The following CNTN5 variants were observed in gnomAD, a reference collection of about 807,000 sequenced individuals.
CNTN5 encodes contactin 5.
Under a neutral mutation model 129.1 loss-of-function variants are expected in CNTN5, and 77 were observed. The observed-to-expected ratio is 0.60, with a 90% CI of 0.50 to 0.72. CNTN5 has a LOEUF of 0.72. Ranked by LOEUF, CNTN5 falls within the 30% of genes least tolerant of loss-of-function variation. The pLI is 0.00. For synonymous variants in CNTN5, 509 were observed against 465.6 expected, an observed-to-expected ratio of 1.09 and a Z score of -1.20; for missense variants, 1,478 against 1,328.8, an observed-to-expected ratio of 1.11 and a Z score of -1.75.
chr11:99,166,768 T>A (rs1860893693), intron 1 of CNTN5, among the ~76,000 whole-genome samples: 1 of 151,934 alleles, frequency 6.6e-6, no homozygotes, highest in Non-Finnish European at 1.5e-5. Context: ...TCTTTTTTTT[T>A]TTGGTTTTTG....
At chr11:99,763,523 G>C (rs1024025123) in intron 3 of CNTN5, among the ~76,000 whole-genome samples, 8 of 152,018 alleles carry the variant, frequency 5.3e-5, no homozygotes, top group Non-Finnish European at 1.2e-4. Context: ...GAAGTTTAAA[G>C]TATTAAGTAA....
intron 3 of CNTN5, among the ~76,000 whole-genome samples, chr11:99,782,658 C>T (rs904797310): frequency 3.3e-5 from 5 of 151,876 alleles, no homozygotes; most frequent in Non-Finnish European, 5.9e-5. Flanking sequence ...GAACAGAGCC[C>T]TCAGAAATAA....
At chr11:99,952,568 A>G (rs1591472723) in intron 7 of CNTN5, among the ~76,000 whole-genome samples, 2 of 152,132 alleles carry the variant, frequency 1.3e-5, no homozygotes, top group Admixed American at 1.3e-4. Flanking sequence ...GTCTAACTCT[A>G]TCATCCAGGC....
chr11:99,039,932 C>A (rs181638273), intron 1 of CNTN5, among the ~76,000 whole-genome samples: 1 of 152,170 alleles, frequency 6.6e-6, no homozygotes, highest in East Asian at 1.9e-4. Flanking sequence ...AAAACTCAAA[C>A]TTTCTATATT....
intron 9 of CNTN5, among the ~76,000 whole-genome samples, chr11:100,056,322 C>T (rs913030921): frequency 1.3e-5 from 2 of 151,140 alleles, no homozygotes; most frequent in Non-Finnish European, 3.0e-5. Context: ...AAGTAAAATT[C>T]CACTATCAAA....
At position 100,356,927 on chromosome 11, in the gene CNTN5, CTATGTTATCTAGCAGCAAATA is replaced by C. The variant is rs1565449451; in HGVS notation, c.*710_*730del. Reference sequence around the variant, plus strand: ...CAGTGCTATAGTTTTTCATAAAGTACTATGTTATCTAGCAGCAAATATAATAAATATTTATTTTTAATAACA... The same window carrying C: ...CAGTGCTATAGTTTTTCATAAAGTACTAATAAATATTTATTTTTAATAACA... On this transcript the variant is annotated 3_prime_UTR_variant, in exon 25 of 25. Transcript: ENST00000524871. The C allele has an allele frequency of 6.6e-6, 1 of 151,628 alleles. No homozygotes were observed. The highest frequency in any genetic ancestry group is 1.9e-4 in the East Asian group (1 of 5,166). 9.4% of individuals were successfully genotyped at this position (151,628 alleles called of 1,614,324 possible). A position where few individuals can be genotyped will look rare whatever the true frequency, so the allele number is the denominator to read the frequency against.
At chr11:99,621,444 G>C (rs140655338) in intron 3 of CNTN5, among the ~76,000 whole-genome samples, 182 of 152,252 alleles carry the variant, frequency 1.2e-3, no homozygotes, top group Middle Eastern at 6.8e-3. Flanking sequence ...GTGAATTACT[G>C]TATAGAAAGA....
chr11:99,635,313 C>G (rs1378544078), intron 3 of CNTN5, among the ~76,000 whole-genome samples: 2 of 152,088 alleles, frequency 1.3e-5, no homozygotes, highest in Non-Finnish European at 2.9e-5. Context: ...CTATTTTTTG[C>G]TTATGCGAGT....
At chr11:99,939,222 C>T (rs1286545755) in intron 7 of CNTN5, among the ~76,000 whole-genome samples, 2 of 151,988 alleles carry the variant, frequency 1.3e-5, no homozygotes, top group Non-Finnish European at 2.9e-5. Flanking sequence ...ATCACAAGTA[C>T]CTTAAATACT....
chr11:99,873,117 C>T lies in CNTN5; in HGVS notation c.577+27855C>T, dbSNP rs147437684. Among the ~76,000 whole-genome samples, 1,182 of 152,058 alleles carry T rather than the reference C, an allele frequency of 7.8e-3. 12 individuals carry two copies. The highest frequency in any genetic ancestry group is 0.011 in the Non-Finnish European group (765 of 67,970). ...GCCACCCAGGCAGGAGCTAGAATTT[C>T]GGCGATAGTTTCAGTAGCTGTGCCA... is the stretch of plus-strand genomic sequence containing the variant. On this transcript the variant is annotated intron_variant, in intron 6 of 24. Transcript: ENST00000524871.
chr11:100,347,889 C>A (rs1591533614), intron 23 of CNTN5, among the ~76,000 whole-genome samples: 1 of 151,924 alleles, frequency 6.6e-6, no homozygotes, highest in Non-Finnish European at 1.5e-5. Flanking sequence ...TGGGTATAAC[C>A]AGCAAAAATT....
chr11:100,028,428 C>T (rs1008701204), intron 9 of CNTN5, among the ~76,000 whole-genome samples: 1 of 152,146 alleles, frequency 6.6e-6, no homozygotes, highest in Admixed American at 6.6e-5. Context: ...CATAGAGTTA[C>T]TATTAGATTT....
intron 1 of CNTN5, among the ~76,000 whole-genome samples, chr11:99,065,757 A>C (rs1865076334): frequency 6.6e-6 from 1 of 152,002 alleles, no homozygotes; most frequent in Non-Finnish European, 1.5e-5. Flanking sequence ...TTCATGCTTT[A>C]TGTGACAAAA....
intron 3 of CNTN5, among the ~76,000 whole-genome samples, chr11:99,642,190 A>T (rs190577441): frequency 1.3e-5 from 2 of 152,338 alleles, no homozygotes; most frequent in Admixed American, 1.3e-4. Flanking sequence ...GTTATGTAAT[A>T]GGAGAAAATG....
At chr11:99,074,804 G>T (rs1446981463) in intron 1 of CNTN5, among the ~76,000 whole-genome samples, 5 of 152,062 alleles carry the variant, frequency 3.3e-5, no homozygotes, top group African/African-American at 9.7e-5. Flanking sequence ...GCCCAGAAAG[G>T]CTCAGTAGAT....
At chr11:100,030,935 G>A (rs1337643515) in intron 9 of CNTN5, among the ~76,000 whole-genome samples, 1 of 152,044 alleles carries the variant, frequency 6.6e-6, no homozygotes, top group East Asian at 1.9e-4. Context: ...ATTTTTTCGT[G>A]AATTAAGGTC....
At chr11:99,876,934 C>T (rs572163655) in intron 6 of CNTN5, among the ~76,000 whole-genome samples, 51 of 152,190 alleles carry the variant, frequency 3.4e-4, no homozygotes, top group African/African-American at 1.2e-3. Context: ...TTTTGTGTGC[C>T]TCAGTTTCTT....
chr11:99,220,943 C>A (rs1860369629), intron 1 of CNTN5, among the ~76,000 whole-genome samples: 1 of 146,260 alleles, frequency 6.8e-6, no homozygotes, highest in African/African-American at 2.5e-5. Context: ...AGAAGAAAAC[C>A]ATTTCTGGAA....
chr11:99,531,770 G>A (rs147935964), intron 2 of CNTN5, among the ~76,000 whole-genome samples: 5 of 152,308 alleles, frequency 3.3e-5, no homozygotes, highest in South Asian at 2.1e-4. Flanking sequence ...TTGAGCGTTC[G>A]AGTGCACAGA....
Sources: gnomAD v4.1 joint callset for allele counts (sites outside exome capture counted in the v4.1 genomes callset) on GRCh38, gnomAD v4.1.1 for gene constraint, MANE v1.5 for transcripts, NCBI Gene and HGNC (gene_info 2026-07-23, HGNC 2026-07-21) for gene names.